Variants in MCMBP observed in about 807,000 individuals in gnomAD.
MCMBP encodes the protein minichromosome maintenance complex binding protein, also known as mini-chromosome maintenance complex-binding protein.
A neutral mutation model predicts 81.3 loss-of-function variants in MCMBP; 31 were observed. The observed-to-expected ratio is 0.38, with a 90% CI of 0.29 to 0.51. MCMBP has a LOEUF of 0.51. MCMBP is among the 20% of genes least tolerant of loss of function. MCMBP has a pLI of 0.87. For missense variants in MCMBP, 645 were observed against 772.1 expected, an observed-to-expected ratio of 0.84 and a Z score of 1.95; for synonymous variants, 267 against 275.9, an observed-to-expected ratio of 0.97 and a Z score of 0.32.
In MCMBP at chr10:119,840,533, AGATTT is replaced by A. The variant is rs575691797; in HGVS notation, c.1242+305_1242+309del. On this transcript the variant is annotated intron_variant, in intron 11 of 15. Coordinates refer to ENST00000369077, the MANE Select transcript of MCMBP (RefSeq NM_001256378.2). ...TGCTCCTACAATTTAGAGTTTATTT[AGATTT>A]AAGACTTTAGTGTACAAAAAGGATA... Among the ~76,000 whole-genome samples the A allele has an allele frequency of 3.4e-4, 52 of 152,350 alleles. No homozygotes were observed. The East Asian group carries it at 0.01, about 29-fold the overall frequency.
chr10:119,864,794 G>A (rs1247370924), intron 1 of MCMBP, among the ~76,000 whole-genome samples: 1 of 152,048 alleles, frequency 6.6e-6, no homozygotes, highest in Non-Finnish European at 1.5e-5. Context: ...CATGTCTTTG[G>A]CTGTATCCCA....
chr10:119,857,753 T>C (rs968216720), intron 4 of MCMBP: 5 of 173,178 alleles, frequency 2.9e-5, no homozygotes, highest in Non-Finnish European at 4.9e-5. Flanking sequence ...CCTTTTTATA[T>C]TCTTAGAGTC....
At chr10:119,862,598 G>A (rs1340357193) in intron 1 of MCMBP, among the ~76,000 whole-genome samples, 1 of 152,102 alleles carries the variant, frequency 6.6e-6, no homozygotes. Flanking sequence ...GCTTGCTGAA[G>A]GACATTTAGA....
rs1024061279 is a variant in MCMBP, at chr10:119,831,506, G to A, written c.1891C>T (p.Gln631Ter). Residue 631 changes from glutamine to a stop codon, truncating the protein, a stop_gained, in exon 16 of 16, where the codon CAG becomes TAG. Transcript: ENST00000369077. LOFTEE classifies it high-confidence loss of function. ...TCATTTCCATTCACACATTTTTGCT[G>A]CTGAAGCCTCGTTCTTCTTAAAGAC... Reference protein sequence around the residue: ...LESLRRTRLQQQKCVNGNEL With the variant: ...LESLRRTRLQ The A allele has an allele frequency of 5.0e-6, 8 of 1,613,800 alleles. No individual in the cohort carries two copies. The Admixed American group carries it at 1.0e-4, about 20-fold the overall frequency.
chr10:119,852,152 CAAAAAAAAAAAAAAA>C (rs34142128), intron 6 of MCMBP, among the ~76,000 whole-genome samples: 76 of 53,104 alleles, frequency 1.4e-3, no homozygotes, highest in African/African-American at 6.2e-3. Flanking sequence ...AACTCTGTCT[CAAAAAAAAAAAAAAA>C]AAAAAAAAAA....
At chr10:119,840,161 T>A (rs1222873198) in intron 11 of MCMBP, among the ~76,000 whole-genome samples, 1 of 152,236 alleles carries the variant, frequency 6.6e-6, no homozygotes, top group Non-Finnish European at 1.5e-5. Flanking sequence ...TCTTTGAGTA[T>A]GAACACATTT....
intron 11 of MCMBP, among the ~76,000 whole-genome samples, chr10:119,840,578 T>C (rs570397936): frequency 6.6e-6 from 1 of 152,226 alleles, no homozygotes; most frequent in Admixed American, 6.5e-5. Context: ...ATTGGACAAA[T>C]TGGTATCAAG....
At chr10:119,844,055 A>G (rs2134357617) in intron 8 of MCMBP, among the ~76,000 whole-genome samples, 1 of 152,348 alleles carries the variant, frequency 6.6e-6, no homozygotes, top group Non-Finnish European at 1.5e-5. Context: ...TCCTTGAACT[A>G]TTGGCCGGGA....
At chr10:119,835,352 G>A (rs1263174809) in intron 14 of MCMBP, among the ~76,000 whole-genome samples, 188 bp downstream of exon 14, 1 of 151,654 alleles carries the variant, frequency 6.6e-6, no homozygotes, top group African/African-American at 2.4e-5. Flanking sequence ...AAACTTCAAG[G>A]GATTAAAATG....
In MCMBP at chr10:119,832,090, T is replaced by A; in HGVS notation, c.1718A>T (p.Asp573Val). Reference sequence around the variant, plus strand: ...GTTCTTCCGCATTTCCACAAAGTCATCTTCAACTGCCTTTATCAAAAGAGT... The same window carrying A: ...GTTCTTCCGCATTTCCACAAAGTCAACTTCAACTGCCTTTATCAAAAGAGT... ...ISDEITKAVEDDFVEMRKNDP... is the reference protein window; with the variant it reads ...ISDEITKAVEVDFVEMRKNDP... The change falls in exon 15 of 16, where the codon GAT becomes GTT. Residue 573 changes from aspartate (D) to valine (V), a missense_variant. Physicochemically the swap from Asp to Val is radical, Grantham distance 152. Coordinates refer to ENST00000369077, the MANE Select transcript of MCMBP (RefSeq NM_001256378.2). The A allele has an allele frequency of 6.2e-7, 1 of 1,612,306 alleles. No individual in the cohort carries two copies.
chr10:119,857,510 A>G (rs1853096445), intron 4 of MCMBP, 71 bp from the exon 5 acceptor site: 2 of 977,404 alleles, frequency 2.0e-6, no homozygotes, highest in Middle Eastern at 4.7e-4. Context: ...AAAATTAGCA[A>G]CCACATTTTC....
chr10:119,872,304 G>A (rs1411257530), intron 1 of MCMBP, among the ~76,000 whole-genome samples: 1 of 151,976 alleles, frequency 6.6e-6, no homozygotes, highest in African/African-American at 2.4e-5. Flanking sequence ...CCCAAGCTGC[G>A]ACTCGGGCAG....
At chr10:119,872,390 T>A in intron 1 of MCMBP, 137 bp downstream of exon 1, 1 of 351,398 alleles carries the variant, frequency 2.8e-6, no homozygotes. Context: ...CTGGGGCCGG[T>A]GCAGGCCCCG....
Position 119,830,872 on chromosome 10 carries a change from A to T in MCMBP, c.*602T>A, listed in dbSNP as rs1852004445. 1 of 152,680 alleles carries T rather than the reference A, an allele frequency of 6.5e-6. No individual in the cohort carries two copies. Among genetic ancestry groups the T allele is most frequent in the African/African-American group, 2.4e-5 (1 of 41,466 alleles). The allele number at this position is 152,680 out of a possible 1,614,324, so 9.5% of individuals were successfully genotyped here. ...CATAAAATACAAAAGTCTGGGAACC[A>T]CTGCCATGTACAAGTTTAGTTTTGC... On this transcript the variant is annotated 3_prime_UTR_variant, in exon 16 of 16. Transcript: ENST00000369077.
chr10:119,859,014 C>T (rs767019427), intron 3 of MCMBP, 27 bp downstream of exon 3: 1 of 1,612,062 alleles, frequency 6.2e-7, no homozygotes, highest in Non-Finnish European at 8.5e-7. Context: ...ATTAATACCA[C>T]AAATTCATGA....
intron 14 of MCMBP, among the ~76,000 whole-genome samples, chr10:119,835,024 G>GA (rs1215222294): frequency 1.3e-5 from 2 of 152,144 alleles, no homozygotes; most frequent in African/African-American, 4.8e-5. Context: ...TAGGCAAATA[G>GA]AAAAAATAGT....
chr10:119,835,191 CTT>C (rs1381656913), intron 14 of MCMBP, among the ~76,000 whole-genome samples: 1 of 152,092 alleles, frequency 6.6e-6, no homozygotes, highest in African/African-American at 2.4e-5. Context: ...GGGGCAAAGT[CTT>C]TGTATAATAT....
At chr10:119,873,500 G>C (rs1286450565), upstream of MCMBP, 1 of 152,310 alleles carries the variant, frequency 6.6e-6, no homozygotes, top group African/African-American at 2.4e-5. Flanking sequence ...GTCGGCGTCT[G>C]TCTGGAAGCT....
chr10:119,861,647 C>T (rs1294114009), intron 1 of MCMBP, among the ~76,000 whole-genome samples: 1 of 152,142 alleles, frequency 6.6e-6, no homozygotes, highest in African/African-American at 2.4e-5. Context: ...GTGTAAAAGA[C>T]GTGAGAATAC....
Sources: gnomAD v4.1 joint callset for allele counts (sites outside exome capture counted in the v4.1 genomes callset) on GRCh38, gnomAD v4.1.1 for gene constraint, MANE v1.5 for transcripts, NCBI Gene and HGNC (gene_info 2026-07-23, HGNC 2026-07-21) for gene names.